The following CSMD3 variants were observed in gnomAD, a reference collection of about 807,000 sequenced individuals.
CSMD3 encodes the protein CUB and sushi domain-containing protein 3.
Under a neutral mutation model 435.2 loss-of-function variants are expected in CSMD3, and 177 were observed. The ratio of observed to expected loss-of-function variants is 0.41; its 90% CI spans 0.36 to 0.46. The LOEUF is 0.46. CSMD3 is among the 20% of genes least tolerant of loss of function. The probability of loss-of-function intolerance (pLI) is 0.34; values close to 1 mark genes in which losing one functional copy is unlikely to be tolerated. For synonymous variants in CSMD3, 1,656 were observed against 1,520.5 expected (o/e 1.09, Z -2.07); for missense variants, 4,265 against 4,504.6 (o/e 0.95, Z 1.52).
At chr8:112,460,456 TCTACAGC>T (rs1817333284) in intron 32 of CSMD3, among the ~76,000 whole-genome samples, 1 of 151,850 alleles carries the variant, frequency 6.6e-6, no homozygotes, top group Admixed American at 6.6e-5. Context: ...TCAAATTCAA[TCTACAGC>T]TGAGTTTTAT....
At position 113,089,752 on chromosome 8, in the gene CSMD3, T is replaced by C. The variant is rs562166766; in HGVS notation, c.917+9004A>G. On this transcript the variant is annotated intron_variant, in intron 5 of 70. Coordinates refer to ENST00000297405, the MANE Select transcript of CSMD3 (RefSeq NM_198123.2). ...CTTTCTTTATCATGCCCTTTGTTATTGGACTTTGCAGCTCCTCCCAAGAGT... is the reference window on the plus strand; with the variant it reads ...CTTTCTTTATCATGCCCTTTGTTATCGGACTTTGCAGCTCCTCCCAAGAGT... 2.6e-5 allele frequency among the ~76,000 whole-genome samples: 4 copies of C among 152,296 alleles called. No individual in the cohort carries two copies. The South Asian group carries it at 8.3e-4, about 32-fold the overall frequency.
intron 3 of CSMD3, among the ~76,000 whole-genome samples, chr8:113,235,173 A>G (rs1297672471): frequency 1.3e-5 from 2 of 152,138 alleles, no homozygotes; most frequent in Admixed American, 1.3e-4. Context: ...TTAAATTAAC[A>G]CACTAGTAAT....
intron 1 of CSMD3, among the ~76,000 whole-genome samples, chr8:113,355,548 A>G (rs2094216689): frequency 1.3e-5 from 2 of 151,550 alleles, no homozygotes; most frequent in Non-Finnish European, 2.9e-5. Context: ...CTACCCTTGT[A>G]ACCTAATCTA....
intron 5 of CSMD3, among the ~76,000 whole-genome samples, chr8:113,026,202 G>A (rs1408963432): frequency 1.3e-5 from 2 of 152,144 alleles, no homozygotes; most frequent in Non-Finnish European, 2.9e-5. Context: ...ACTGCTGGTG[G>A]CCTCCAGCTT....
intron 10 of CSMD3, among the ~76,000 whole-genome samples, chr8:112,907,899 T>G (rs914845927): frequency 3.3e-5 from 5 of 151,366 alleles, no homozygotes; most frequent in Non-Finnish European, 5.9e-5. Flanking sequence ...GAACTGGAGA[T>G]GAGAATAGTT....
chr8:112,715,043 A>T (rs933251875), intron 13 of CSMD3, among the ~76,000 whole-genome samples: 4 of 152,100 alleles, frequency 2.6e-5, no homozygotes, highest in African/African-American at 9.7e-5. Context: ...ATAAATCCAA[A>T]AGCCAGCAGA....
chr8:112,449,882 C>T (rs541529070), intron 32 of CSMD3, among the ~76,000 whole-genome samples: 1 of 152,250 alleles, frequency 6.6e-6, no homozygotes, highest in East Asian at 1.9e-4. Context: ...GCCACCACGC[C>T]TGGCTAATTT....
At chr8:112,606,061 C>T (rs2131442014) in intron 22 of CSMD3, among the ~76,000 whole-genome samples, 1 of 152,222 alleles carries the variant, frequency 6.6e-6, no homozygotes, top group East Asian at 1.9e-4. Context: ...AAACAAGTAT[C>T]TACAAACAAA....
chr8:113,176,992 TTGTA>T (rs2092356065), intron 3 of CSMD3, among the ~76,000 whole-genome samples: 1 of 151,716 alleles, frequency 6.6e-6, no homozygotes, highest in African/African-American at 2.4e-5. Context: ...TAAATATATG[TTGTA>T]AGTATTTACA....
intron 1 of CSMD3, among the ~76,000 whole-genome samples, chr8:113,403,805 T>G (rs907102067): frequency 6.6e-6 from 1 of 151,460 alleles, no homozygotes. Flanking sequence ...TAGAAGGCCT[T>G]TTTCAACTCT....
At chr8:113,082,042 C>T (rs1336154847) in intron 5 of CSMD3, among the ~76,000 whole-genome samples, 1 of 152,164 alleles carries the variant, frequency 6.6e-6, no homozygotes, top group African/African-American at 2.4e-5. Context: ...CCCTGACCAT[C>T]ACTATGTGCC....
intron 5 of CSMD3, among the ~76,000 whole-genome samples, chr8:113,025,833 T>C (rs2086856793): frequency 1.3e-5 from 2 of 152,104 alleles, no homozygotes; most frequent in African/African-American, 4.8e-5. Flanking sequence ...GGGCATAGCA[T>C]AGTCTCAGAC....
intron 32 of CSMD3, among the ~76,000 whole-genome samples, chr8:112,454,122 G>T (rs530184583): frequency 6.6e-6 from 1 of 152,132 alleles, no homozygotes; most frequent in Non-Finnish European, 1.5e-5. Context: ...AGATTTAAAC[G>T]TAAGACGTCA....
chr8:113,088,423 T>C (rs62521255), intron 5 of CSMD3, among the ~76,000 whole-genome samples: 90,756 of 138,032 alleles, frequency 0.66, 31,399 homozygotes, highest in East Asian at 0.95. Context: ...ATGTTTATTG[T>C]GGCACTATTC....
intron 3 of CSMD3, 84 bp downstream of exon 3, chr8:113,278,508 A>C (rs2093588819): frequency 4.1e-6 from 3 of 734,832 alleles, no homozygotes; most frequent in Non-Finnish European, 5.1e-6. Context: ...ATGTTGTCTC[A>C]AATGTTGATT....
At chr8:113,043,271 C>G (rs144111699) in intron 5 of CSMD3, among the ~76,000 whole-genome samples, 1 of 152,116 alleles carries the variant, frequency 6.6e-6, no homozygotes, top group African/African-American at 2.4e-5. Context: ...GTTCTTGCTA[C>G]GAAATCTTGC....
At chr8:112,380,300 T>G in intron 38 of CSMD3, 52 bp downstream of exon 38, 1 of 943,570 alleles carries the variant, frequency 1.1e-6, no homozygotes, top group Non-Finnish European at 1.7e-6. Flanking sequence ...TATTTTTAAT[T>G]AATATAAACT....
chr8:113,155,505 G>T (rs1244708019), intron 4 of CSMD3, among the ~76,000 whole-genome samples: 2 of 152,024 alleles, frequency 1.3e-5, no homozygotes, highest in Admixed American at 1.3e-4. Flanking sequence ...AGGGTGGGAA[G>T]TGCAAAATAT....
chr8:113,272,752 C>T lies in CSMD3; in HGVS notation c.514+5840G>A, dbSNP rs1038948830. 4.6e-5 allele frequency among the ~76,000 whole-genome samples: 7 copies of T among 152,090 alleles called. No individual in the cohort carries two copies. The South Asian group carries it at 6.2e-4, about 14-fold the overall frequency. Reference sequence around the variant, plus strand: ...TATTTTATTGAAATAATATCTAATACGGAACATATTTCCACAAATCTGGAA... The same window carrying T: ...TATTTTATTGAAATAATATCTAATATGGAACATATTTCCACAAATCTGGAA... On this transcript the variant is annotated intron_variant, in intron 3 of 70. Coordinates refer to ENST00000297405, the MANE Select transcript of CSMD3 (RefSeq NM_198123.2).
Sources: allele counts gnomAD v4.1 joint callset (sites outside exome capture counted in the v4.1 genomes callset), GRCh38; gene constraint gnomAD v4.1.1; transcripts MANE v1.5; gene names NCBI Gene and HGNC (gene_info 2026-07-23, HGNC 2026-07-21).